Variants in ATF7 observed in about 807,000 individuals in gnomAD.
ATF7 encodes activating transcription factor 7, also known as cyclic AMP-dependent transcription factor ATF-7.
In ATF7, 10 loss-of-function variants were observed where a neutral mutation model predicts 50.4. That is an observed-to-expected ratio of 0.20 (90% CI 0.12 to 0.34). The LOEUF (loss-of-function observed/expected upper bound fraction) is 0.34, where lower values mean the gene tolerates loss of function less well. ATF7 is among the 10% of genes least tolerant of loss of function. The pLI, the probability that ATF7 is intolerant of heterozygous loss-of-function variation, is 1.00. For synonymous variants in ATF7, 201 were observed against 226.4 expected (o/e 0.89, Z 1.01); for missense variants, 465 against 613.9 (o/e 0.76, Z 2.56).
intron 1 of ATF7, among the ~76,000 whole-genome samples, chr12:53,621,067 A>G (rs1944360176): frequency 6.6e-6 from 1 of 152,256 alleles, no homozygotes; most frequent in Non-Finnish European, 1.5e-5. Flanking sequence ...ATACCCAAAC[A>G]GCAACTAATA....
chr12:53,594,214 T>C (rs1249368564), intron 2 of ATF7, among the ~76,000 whole-genome samples: 2 of 152,246 alleles, frequency 1.3e-5, no homozygotes, highest in Non-Finnish European at 1.5e-5. Context: ...AGAGGCCTTT[T>C]AACTTAGGAA....
intron 1 of ATF7, among the ~76,000 whole-genome samples, chr12:53,620,863 GA>G (rs35769800): frequency 1.6e-4 from 24 of 149,608 alleles, no homozygotes; most frequent in Admixed American, 3.3e-4. Context: ...ATTTGAAAAT[GA>G]AAAAAAAACA....
chr12:53,540,890 C>G (rs549509614), intron 4 of ATF7, among the ~76,000 whole-genome samples: 1 of 152,186 alleles, frequency 6.6e-6, no homozygotes, highest in South Asian at 2.1e-4. Flanking sequence ...TGCTACCACA[C>G]TCAGCTGATT....
At chr12:53,614,320 T>A (rs546583169) in intron 1 of ATF7, among the ~76,000 whole-genome samples, 17 of 152,284 alleles carry the variant, frequency 1.1e-4, no homozygotes, top group Admixed American at 5.2e-4. Context: ...TCAGTGTGCA[T>A]TTTAGAAGTT....
chr12:53,620,433 G>A (rs1450437686), intron 1 of ATF7, among the ~76,000 whole-genome samples: 2 of 151,170 alleles, frequency 1.3e-5, no homozygotes, highest in Admixed American at 6.6e-5. Flanking sequence ...AAAATTAGCC[G>A]GGCGTAGTGG....
At chr12:53,623,605 G>C (rs545666646) in intron 1 of ATF7, among the ~76,000 whole-genome samples, 8 of 152,262 alleles carry the variant, frequency 5.3e-5, no homozygotes, top group African/African-American at 1.7e-4. Context: ...AGACATTTAC[G>C]TGGAGTTCTA....
intron 2 of ATF7, among the ~76,000 whole-genome samples, chr12:53,574,074 A>G (rs912191855): frequency 6.6e-6 from 1 of 152,204 alleles, no homozygotes; most frequent in Non-Finnish European, 1.5e-5. Flanking sequence ...GTCATATTAA[A>G]AGGCAAAAAT....
intron 11 of ATF7, 92 bp from the exon 12 acceptor site, chr12:53,517,446 G>A: frequency 7.9e-7 from 1 of 1,261,782 alleles, no homozygotes; most frequent in Non-Finnish European, 1.1e-6. Context: ...AATTCTAAAG[G>A]AGCCCAAAAG....
At chr12:53,617,474 CA>C (rs768412524) in intron 1 of ATF7, among the ~76,000 whole-genome samples, 12 of 152,088 alleles carry the variant, frequency 7.9e-5, no homozygotes, top group Non-Finnish European at 1.8e-4. Context: ...ACTAAAAATA[CA>C]AAAATTAGCC....
chr12:53,607,506 T>C (rs1052787203), intron 1 of ATF7, among the ~76,000 whole-genome samples: 1 of 152,168 alleles, frequency 6.6e-6, no homozygotes, highest in Non-Finnish European at 1.5e-5. Flanking sequence ...ACCACAGTCA[T>C]CTTTATGACC....
intron 2 of ATF7, among the ~76,000 whole-genome samples, chr12:53,571,935 C>T (rs10783584): frequency 0.43 from 64,565 of 151,674 alleles, 14,147 homozygotes; most frequent in East Asian, 0.73. Flanking sequence ...GGTGTGGTGG[C>T]GCACACCTGT....
chr12:53,534,788 T>G, intron 5 of ATF7, 129 bp from the exon 6 acceptor site: 1 of 1,066,882 alleles, frequency 9.4e-7, no homozygotes, highest in Non-Finnish European at 1.3e-6. Flanking sequence ...CATGACCTGA[T>G]TCCATCAGGA....
At chr12:53,583,119 T>C (rs1440777615) in intron 2 of ATF7, among the ~76,000 whole-genome samples, 1 of 151,976 alleles carries the variant, frequency 6.6e-6, no homozygotes, top group Non-Finnish European at 1.5e-5. Flanking sequence ...AATACAAAAC[T>C]ATAAAATTTC....
chr12:53,612,349 C>T (rs958585647), intron 1 of ATF7, among the ~76,000 whole-genome samples: 14 of 152,038 alleles, frequency 9.2e-5, no homozygotes, highest in Non-Finnish European at 2.1e-4. Flanking sequence ...TGCAGTGGCT[C>T]GATCTCGTCT....
chr12:53,592,107 A>G (rs1942968815), intron 2 of ATF7, among the ~76,000 whole-genome samples: 1 of 152,222 alleles, frequency 6.6e-6, no homozygotes, highest in Non-Finnish European at 1.5e-5. Context: ...CGGCACTTCA[A>G]TCTGCCAGCA....
chr12:53,600,927 C>A, intron 2 of ATF7, 26 bp downstream of exon 2: 1 of 1,608,244 alleles, frequency 6.2e-7, no homozygotes, highest in South Asian at 1.1e-5. Context: ...ACGAGACATT[C>A]ACAATAAAGT....
intron 5 of ATF7, among the ~76,000 whole-genome samples, chr12:53,536,884 T>TCAACAA (rs748683856): frequency 2.0e-5 from 3 of 151,748 alleles, no homozygotes; most frequent in South Asian, 4.2e-4. Context: ...TGAGACTGTC[T>TCAACAA]CAACAACAAC....
At chr12:53,523,475 T>C in intron 10 of ATF7, 91 bp from the exon 11 acceptor site, 1 of 927,500 alleles carries the variant, frequency 1.1e-6, no homozygotes, top group South Asian at 1.4e-5. Context: ...GACAGAATAT[T>C]GCCTCGATTT....
intron 2 of ATF7, among the ~76,000 whole-genome samples, chr12:53,587,843 A>T (rs5798268): frequency 0.026 from 1,569 of 61,496 alleles, 56 homozygotes; most frequent in African/African-American, 0.061. Flanking sequence ...ATATATATAT[A>T]TTTTTTTTTT....
Sources: gnomAD v4.1 joint callset for allele counts (sites outside exome capture counted in the v4.1 genomes callset) on GRCh38, gnomAD v4.1.1 for gene constraint, MANE v1.5 for transcripts, NCBI Gene and HGNC (gene_info 2026-07-23, HGNC 2026-07-21) for gene names.